Variants in LMNA observed in about 807,000 individuals in gnomAD.
LMNA encodes lamin.
In LMNA, 20 loss-of-function variants were observed where a neutral mutation model predicts 70.4. The observed-to-expected ratio is 0.28, with a 90% confidence interval of 0.20 to 0.41. The LOEUF is 0.41. Among genes scored for constraint, LMNA ranks in the 10% least tolerant of loss-of-function variants. The probability of loss-of-function intolerance (pLI) is 1.00; values close to 1 mark genes in which losing one functional copy is unlikely to be tolerated. For missense variants in LMNA, 652 were observed against 917.2 expected, an observed-to-expected ratio of 0.71 and a Z score of 3.73; for synonymous variants, 339 against 372.8, an observed-to-expected ratio of 0.91 and a Z score of 1.04.
intron 3 of LMNA, among the ~76,000 whole-genome samples, chr1:156,108,010 A>C (rs1572326724): frequency 6.6e-6 from 1 of 151,760 alleles, no homozygotes; most frequent in African/African-American, 2.4e-5. Context: ...CAAGTAATCC[A>C]CCCACCTCAG....
chr1:156,105,370 C>T (rs1417662435), intron 3 of LMNA, among the ~76,000 whole-genome samples: 1 of 148,772 alleles, frequency 6.7e-6, no homozygotes, highest in Admixed American at 6.6e-5. Context: ...GCAGTCCCTT[C>T]CCCATCCCAC....
At chr1:156,118,052 G>C (rs1572336702) in intron 1 of LMNA, among the ~76,000 whole-genome samples, 1 of 137,018 alleles carries the variant, frequency 7.3e-6, no homozygotes, top group Non-Finnish European at 1.5e-5. Flanking sequence ...CCGAAGTTTT[G>C]GCCTCAAGCA....
chr1:156,126,525 C>T (rs766073614), intron 1 of LMNA: 3 of 710,408 alleles, frequency 4.2e-6, no homozygotes, highest in Non-Finnish European at 7.8e-6. Flanking sequence ...CCCACCTAGC[C>T]CCTTTGCTGT....
chr1:156,091,083 G>C (rs900957860), intron 3 of LMNA: 1 of 152,182 alleles, frequency 6.6e-6, no homozygotes, highest in Non-Finnish European at 1.5e-5. Flanking sequence ...TTCCTGACTC[G>C]GGACGAACAC....
intron 2 of LMNA, among the ~76,000 whole-genome samples, chr1:156,085,882 C>A (rs929104064): frequency 2.0e-5 from 3 of 152,052 alleles, no homozygotes; most frequent in African/African-American, 7.2e-5. Context: ...ATGGCAAAAC[C>A]CTGTCTCTAC....
intron 2 of LMNA, among the ~76,000 whole-genome samples, chr1:156,133,129 C>T (rs1651224169): frequency 6.6e-6 from 1 of 151,964 alleles, no homozygotes; most frequent in African/African-American, 2.4e-5. Flanking sequence ...CGTGAGCCAC[C>T]ACGCCTGGCA....
In LMNA at chr1:156,136,658, A is replaced by G; in HGVS notation, c.1380+222A>G. 1.5e-6 allele frequency: 1 copy of G among 667,104 alleles called. No individual in the cohort carries two copies. The highest frequency in any genetic ancestry group is 2.7e-6 in the Non-Finnish European group (1 of 374,726). 41.3% of individuals were successfully genotyped at this position (667,104 alleles called of 1,614,324 possible). On this transcript the variant is annotated intron_variant, in intron 7 of 11. Coordinates refer to ENST00000368300, the MANE Select transcript of LMNA (RefSeq NM_170707.4). The surrounding 1 kb of genome is among the most constrained non-coding windows in gnomAD (Gnocchi z 6.1). ...AACCTCTCAGAGCATCAGTTTCCTC[A>G]TCTGTAAAATGGGGATGAATACTGA...
chr1:156,087,445 G>A (rs530752913), intron 2 of LMNA, among the ~76,000 whole-genome samples: 2 of 152,090 alleles, frequency 1.3e-5, no homozygotes, highest in East Asian at 3.9e-4. Context: ...GTTTCATCAT[G>A]TTGCCCAGGC....
At position 156,139,138 on chromosome 1, in the gene LMNA, A is replaced by C; in HGVS notation, c.*32A>C. ...ACCTGCCAGGCAGGGGTGGGGGTGG[A>C]GGCTTCCTGCGTCCTCCTCACCTCA... On this transcript the variant is annotated 3_prime_UTR_variant, in exon 12 of 12. Coordinates refer to ENST00000368300, the MANE Select transcript of LMNA (RefSeq NM_170707.4). 6.2e-7 allele frequency: 1 copy of C among 1,613,398 alleles called. No homozygotes were observed. The highest frequency in any genetic ancestry group is 1.1e-5 in the South Asian group (1 of 91,068).
At position 156,136,178 on chromosome 1, in the gene LMNA, C is replaced by T. The variant is rs376579210; in HGVS notation, c.1158-36C>T. The stretch of plus-strand genomic sequence containing the variant: ...CAGTGTCCTCTGGCCGGCAACTGGC[C>T]TTGACTAGACCCCCACTTGGTCTCC... On this transcript the variant is annotated intron_variant, in intron 6 of 11. Coordinates refer to ENST00000368300, the MANE Select transcript of LMNA (RefSeq NM_170707.4). The surrounding 1 kb of genome is among the most constrained non-coding windows in gnomAD (Gnocchi z 6.1). 1 of 1,612,742 alleles carries T rather than the reference C, an allele frequency of 6.2e-7. No homozygotes were observed. Among genetic ancestry groups the T allele is most frequent in the African/African-American group, 1.3e-5 (1 of 74,922 alleles).
rs551829363 is a variant in LMNA at position 156,135,556 on chromosome 1, G to A, written c.936+244G>A. 1.1e-5 allele frequency: 7 copies of A among 619,162 alleles called. No individual in the cohort carries two copies. In the Admixed American group the frequency reaches 1.9e-4, roughly 17 times the overall value. The allele number at this position is 619,162 out of a possible 1,614,324, so 38.4% of individuals were successfully genotyped here. A position where few individuals can be genotyped will look rare whatever the true frequency, so the allele number is the denominator to read the frequency against. On this transcript the variant is annotated intron_variant, in intron 5 of 11. Transcript: ENST00000368300. This position sits in a 1 kb window ranked among gnomAD's most constrained non-coding sequence, Gnocchi z 4.8. ...TTTGGTTTTCCCATTCGAAAATGGA[G>A]GCTGTTCTTAATCTCCCTAACTCAG...
intron 3 of LMNA, among the ~76,000 whole-genome samples, chr1:156,092,364 G>C (rs999399655): frequency 6.6e-6 from 1 of 151,826 alleles, no homozygotes; most frequent in East Asian, 1.9e-4. Context: ...GTGACAGAGC[G>C]AGATCCCATC....
upstream of LMNA, chr1:156,109,505 C>G (rs1438672863): frequency 6.6e-6 from 1 of 152,380 alleles, no homozygotes; most frequent in East Asian, 1.9e-4. Flanking sequence ...AGCTTTTTCC[C>G]ACTTCAGCAC....
At chr1:156,112,061 A>G (rs1455219389), upstream of LMNA, among the ~76,000 whole-genome samples, 2 of 152,218 alleles carry the variant, frequency 1.3e-5, no homozygotes, top group Non-Finnish European at 2.9e-5. Flanking sequence ...ACCTTTAGAA[A>G]GAGCTTGGAG....
rs1048318921 is a variant in LMNA, at chr1:156,138,286, T to C, written c.1699-202T>C. ...CTGGTTCTCTGTCCCCAAGTCTTCCTGAGCCTTCTCCCCTTTTATGTCTTC... is the reference window on the plus strand; with the variant it reads ...CTGGTTCTCTGTCCCCAAGTCTTCCCGAGCCTTCTCCCCTTTTATGTCTTC... On this transcript the variant is annotated intron_variant, in intron 10 of 11. Transcript: ENST00000368300. This position sits in a 1 kb window ranked among gnomAD's most constrained non-coding sequence, Gnocchi z 5.5. The C allele has an allele frequency of 8.2e-6, 5 of 609,720 alleles. No homozygotes were observed. Among genetic ancestry groups the C allele is most frequent in the Non-Finnish European group, 1.4e-5 (5 of 345,216 alleles). The allele number at this position is 609,720 out of a possible 1,614,324, so 37.8% of individuals were successfully genotyped here.
In LMNA at chr1:156,114,745, ACCCAGATCCCGAGGTCCGACAGCGCCCGG is replaced by A. The variant is rs1438292067; in HGVS notation, c.-163_-135del. 2.0e-5 allele frequency: 12 copies of A among 586,690 alleles called. No homozygotes were observed. The highest frequency in any genetic ancestry group is 6.4e-5 in the Admixed American group (2 of 31,050). 36.3% of individuals were successfully genotyped at this position (586,690 alleles called of 1,614,324 possible). A position where few individuals can be genotyped will look rare whatever the true frequency, so the allele number is the denominator to read the frequency against. ...GGGAGCGCCGCACCTACACCAGCCAACCCAGATCCCGAGGTCCGACAGCGCCCGGCCCAGATCCCCACGCCTGCCAGGAG... is the reference window on the plus strand; with the variant it reads ...GGGAGCGCCGCACCTACACCAGCCAACCCAGATCCCCACGCCTGCCAGGAG... On this transcript the variant is annotated 5_prime_UTR_variant, in exon 1 of 12. Transcript: ENST00000368300.
chr1:156,138,734 G>A lies in LMNA; in HGVS notation c.1945G>A (p.Gly649Ser). Residue 649 changes from glycine to serine, a missense_variant, in exon 11 of 12, where the codon GGC becomes AGC. Gly to Ser is a moderately conservative substitution (Grantham distance 56, BLOSUM62 0). Coordinates refer to ENST00000368300, the MANE Select transcript of LMNA (RefSeq NM_170707.4). This position sits in a 1 kb window ranked among gnomAD's most constrained non-coding sequence, Gnocchi z 5.5. Reference sequence around the variant, plus strand: ...TCTGGTCACCCGCTCCTACCTCCTGGGCAACTCCAGCCCCCGAACCCAGGT... The same window carrying A: ...TCTGGTCACCCGCTCCTACCTCCTGAGCAACTCCAGCCCCCGAACCCAGGT... The part of the protein sequence containing the change: ...DNLVTRSYLL[G>S]NSSPRTQSPQ... 1 of 1,613,438 alleles carries A rather than the reference G, an allele frequency of 6.2e-7. No homozygotes were observed. Among genetic ancestry groups the A allele is most frequent in the South Asian group, 1.1e-5 (1 of 91,086 alleles).
chr1:156,127,156 C>A (rs1650656956), intron 1 of LMNA, among the ~76,000 whole-genome samples: 1 of 152,144 alleles, frequency 6.6e-6, no homozygotes, highest in Admixed American at 6.5e-5. Flanking sequence ...TACTTTGGTC[C>A]CTGCTAGGTC....
chr1:156,139,373 C>A lies in LMNA; in HGVS notation c.*267C>A, dbSNP rs986064096. ...TCTCCTCCCTTCCTTTTCCCTGCTT[C>A]CAGGAAACTCCACATCTGCCTTAAA... On this transcript the variant is annotated 3_prime_UTR_variant, in exon 12 of 12. Coordinates refer to ENST00000368300, the MANE Select transcript of LMNA (RefSeq NM_170707.4). 2.2e-6 allele frequency: 3 copies of A among 1,385,670 alleles called. No homozygotes were observed. Among genetic ancestry groups the A allele is most frequent in the Non-Finnish European group, 1.9e-6 (2 of 1,074,164 alleles). The allele number at this position is 1,385,670 out of a possible 1,614,324, so 85.8% of individuals were successfully genotyped here.
Sources: gnomAD v4.1 joint callset for allele counts (sites outside exome capture counted in the v4.1 genomes callset) on GRCh38, gnomAD v4.1.1 for gene constraint, Gnocchi (gnomAD v3.1) non-coding constraint, MANE v1.5 for transcripts, NCBI Gene and HGNC (gene_info 2026-07-23, HGNC 2026-07-21) for gene names.